Variants in PIK3C2G observed in about 807,000 individuals in gnomAD.
PIK3C2G encodes phosphatidylinositol 3-kinase C2 domain-containing subunit gamma.
A neutral mutation model predicts 181.1 loss-of-function variants in PIK3C2G; 168 were observed. That is an observed-to-expected ratio of 0.93 (90% CI 0.82 to 1.05). The LOEUF (loss-of-function observed/expected upper bound fraction) is 1.05, where lower values mean the gene tolerates loss of function less well. Among genes scored for constraint, PIK3C2G ranks in the 50% least tolerant of loss-of-function variants. The pLI is 0.00. For synonymous variants in PIK3C2G, 573 were observed against 592.2 expected (o/e 0.97, Z 0.47); for missense variants, 1,869 against 1,732.8 (o/e 1.08, Z -1.40).
At chr12:18,530,300 T>A (rs958189229) in intron 24 of PIK3C2G, among the ~76,000 whole-genome samples, 1 of 152,218 alleles carries the variant, frequency 6.6e-6, no homozygotes. Context: ...CCATCTGTGC[T>A]TTGAAGCCAT....
chr12:18,403,732 A>G (rs1447167658), intron 16 of PIK3C2G, among the ~76,000 whole-genome samples: 1 of 152,068 alleles, frequency 6.6e-6, no homozygotes, highest in Admixed American at 6.6e-5. Context: ...ATACAGTGTT[A>G]ATATTTCTAC....
At chr12:18,705,919 G>T in the PIK3C2G span, among the ~76,000 whole-genome samples, 1 of 150,266 alleles carries the variant, frequency 6.7e-6, no homozygotes, top group Non-Finnish European at 1.5e-5. Context: ...ATAAAGGAAT[G>T]ATATAGACCA....
intron 24 of PIK3C2G, among the ~76,000 whole-genome samples, chr12:18,532,558 A>G (rs554894123): frequency 6.6e-6 from 1 of 152,266 alleles, no homozygotes; most frequent in East Asian, 1.9e-4. Flanking sequence ...TTCCAGTATC[A>G]TCGGTTCAAG....
At chr12:18,717,449 A>C in the PIK3C2G span, among the ~76,000 whole-genome samples, 1 of 152,156 alleles carries the variant, frequency 6.6e-6, no homozygotes, top group African/African-American at 2.4e-5. Flanking sequence ...TGATGGTTTT[A>C]CCTTAAGTAA....
chr12:18,547,011 A>G (rs1176652843), intron 26 of PIK3C2G, among the ~76,000 whole-genome samples: 1 of 152,038 alleles, frequency 6.6e-6, no homozygotes, highest in East Asian at 1.9e-4. Context: ...TTAAATGGAT[A>G]TATAATTCCT....
At chr12:18,672,230 T>C in the PIK3C2G span, among the ~76,000 whole-genome samples, 3 of 152,332 alleles carry the variant, frequency 2.0e-5, no homozygotes, top group Middle Eastern at 3.4e-3. Context: ...ACTGTTCTGT[T>C]GTTACTGCTT....
chr12:18,566,727 CAAATT>C (rs1434906111), intron 28 of PIK3C2G, among the ~76,000 whole-genome samples: 3 of 151,966 alleles, frequency 2.0e-5, no homozygotes, highest in Non-Finnish European at 4.4e-5. Flanking sequence ...TTTAATGTGT[CAAATT>C]AAATTAAGTT....
chr12:18,320,104 G>A (rs935356767), intron 6 of PIK3C2G: 3 of 152,072 alleles, frequency 2.0e-5, no homozygotes, highest in Non-Finnish European at 2.9e-5. Flanking sequence ...TTTTCTGTCC[G>A]AATTTCTAAT....
chr12:18,449,661 T>C lies in PIK3C2G; in HGVS notation c.2504+25622T>C, dbSNP rs186518882. Among the ~76,000 whole-genome samples the C allele has an allele frequency of 8.1e-4, 123 of 152,324 alleles. No individual in the cohort carries two copies. The Middle Eastern group carries it at 0.014, about 17-fold the overall frequency. On this transcript the variant is annotated intron_variant, in intron 18 of 32. Transcript: ENST00000538779. ...TTTTTTATGGCTGCATAGTATTCTA[T>C]GGTGTGTATGTATGCCACATTGTCT... is the stretch of plus-strand genomic sequence containing the variant.
At chr12:18,596,845 A>T (rs76097249) in intron 30 of PIK3C2G, among the ~76,000 whole-genome samples, 2,834 of 152,150 alleles carry the variant, frequency 0.019, 77 homozygotes, top group African/African-American at 0.065. Context: ...GAAGTATGGT[A>T]CTCAGGTTTT....
intron 30 of PIK3C2G, among the ~76,000 whole-genome samples, chr12:18,601,753 C>T (rs1565551085): frequency 6.6e-6 from 1 of 151,940 alleles, no homozygotes; most frequent in Non-Finnish European, 1.5e-5. Flanking sequence ...GATACAACAA[C>T]AAAAAACGTC....
At chr12:18,694,882 A>C in the PIK3C2G span, 23 of 1,528,058 alleles carry the variant, frequency 1.5e-5, no homozygotes, top group Non-Finnish European at 2.0e-5. Flanking sequence ...ATAACCAAAA[A>C]ATGTAAAAGA....
intron 31 of PIK3C2G, among the ~76,000 whole-genome samples, chr12:18,621,544 A>G (rs1565571399): frequency 6.6e-6 from 1 of 151,724 alleles, no homozygotes; most frequent in African/African-American, 2.4e-5. Flanking sequence ...TGTTTTATAT[A>G]TATATGTTAT....
At chr12:18,320,935 A>G in intron 6 of PIK3C2G, 27 bp from the exon 7 acceptor site, 1 of 1,302,682 alleles carries the variant, frequency 7.7e-7, no homozygotes, top group Non-Finnish European at 1.1e-6. Flanking sequence ...TCACTCAATA[A>G]ATATTAATAT....
chr12:18,325,706 C>CAAAAAAAAAAAAAAAAAAAA (rs34711642), intron 8 of PIK3C2G, among the ~76,000 whole-genome samples: 1 of 61,616 alleles, frequency 1.6e-5, no homozygotes, highest in African/African-American at 5.5e-5. Flanking sequence ...GACTCAGTCT[C>CAAAAAAAAAAAAAAAAAAAA]AAAAAAAAAA....
At chr12:18,352,959 T>C (rs1650744514) in intron 11 of PIK3C2G, among the ~76,000 whole-genome samples, 2 of 152,080 alleles carry the variant, frequency 1.3e-5, no homozygotes, top group Non-Finnish European at 2.9e-5. Context: ...ACCCTGGGGT[T>C]TTTCTGGGTA....
At position 18,546,421 on chromosome 12, in the gene PIK3C2G, T is replaced by C; in HGVS notation, c.3579T>C (p.Ser1193=). 1 of 1,572,300 alleles carries C rather than the reference T, an allele frequency of 6.4e-7. No individual in the cohort carries two copies. ...RPQDTDLEAT[S]HFTKKIKESL... ...AAGACACAGACCTGGAAGCAACAAG[T>C]CATTTTACCAAGTAAGATCACCTAT... The change falls in exon 26 of 33, where the codon AGT becomes AGC. Residue 1193 remains serine (S), a synonymous_variant. Transcript: ENST00000538779.
chr12:18,712,919 C>A, the PIK3C2G span: 1 of 1,613,956 alleles, frequency 6.2e-7, no homozygotes, highest in South Asian at 1.1e-5. Context: ...CCATGATATA[C>A]AACAGGTTCA....
At chr12:18,683,954 C>T in the PIK3C2G span, among the ~76,000 whole-genome samples, 1 of 152,060 alleles carries the variant, frequency 6.6e-6, no homozygotes, top group African/African-American at 2.4e-5. Context: ...CCCACCCCAC[C>T]TTCCACATGA....
Sources: allele counts gnomAD v4.1 joint callset (sites outside exome capture counted in the v4.1 genomes callset), GRCh38; gene constraint gnomAD v4.1.1; transcripts MANE v1.5; gene names NCBI Gene and HGNC (gene_info 2026-07-23, HGNC 2026-07-21).